TP63: variants seen among roughly 807,000 people sequenced by gnomAD.
TP63 encodes the protein tumor protein 63.
TP63 carries 17 observed loss-of-function variants against 82.8 expected under a neutral mutation model. The observed-to-expected ratio is 0.21, with a 90% CI of 0.14 to 0.31. TP63 has a LOEUF of 0.31. Ranked by LOEUF, TP63 falls within the 10% of genes least tolerant of loss-of-function variation. The probability of loss-of-function intolerance (pLI) is 1.00; values close to 1 mark genes in which losing one functional copy is unlikely to be tolerated. For synonymous variants in TP63, 330 were observed against 321.7 expected (o/e 1.03, Z -0.28); for missense variants, 648 against 895.3 (o/e 0.72, Z 3.52).
At chr3:189,804,635 TTAAAC>T (rs1383531158) in intron 3 of TP63, among the ~76,000 whole-genome samples, 1 of 152,236 alleles carries the variant, frequency 6.6e-6, no homozygotes, top group Non-Finnish European at 1.5e-5. Context: ...AATATTTTCT[TTAAAC>T]TAGATATTTT....
chr3:189,618,028 C>A, the TP63 span, among the ~76,000 whole-genome samples: 1 of 152,196 alleles, frequency 6.6e-6, no homozygotes, highest in African/African-American at 2.4e-5. Flanking sequence ...AAGTCAACAG[C>A]AGTAGGCTGC....
intron 3 of TP63, among the ~76,000 whole-genome samples, chr3:189,786,043 T>C (rs1301120302): frequency 2.0e-5 from 3 of 151,860 alleles, no homozygotes; most frequent in Non-Finnish European, 4.4e-5. Context: ...ACCAAAAAAA[T>C]CCAGTATAAC....
At chr3:189,620,099 G>A in the TP63 span, among the ~76,000 whole-genome samples, 1 of 152,252 alleles carries the variant, frequency 6.6e-6, no homozygotes, top group Non-Finnish European at 1.5e-5. Context: ...TTGGCTGGGT[G>A]TGGTGGCTCA....
chr3:189,893,112 T>C (rs3911033), intron 13 of TP63, among the ~76,000 whole-genome samples: 16 of 152,284 alleles, frequency 1.1e-4, no homozygotes, highest in African/African-American at 3.9e-4. Flanking sequence ...GGAACTTCAT[T>C]AGTATCCCCA....
intron 1 of TP63, among the ~76,000 whole-genome samples, chr3:189,698,692 G>A (rs1056876813): frequency 7.2e-5 from 11 of 151,970 alleles, no homozygotes; most frequent in African/African-American, 1.7e-4. Context: ...AGTAAATTAC[G>A]TAAATAATTT....
At chr3:189,610,962 C>T in the TP63 span, among the ~76,000 whole-genome samples, 1 of 152,166 alleles carries the variant, frequency 6.6e-6, no homozygotes, top group South Asian at 2.1e-4. Flanking sequence ...ACTGTCAGAT[C>T]TCCTGAGACT....
chr3:189,880,686 T>G, intron 10 of TP63: 1 of 985,434 alleles, frequency 1.0e-6, no homozygotes, highest in Non-Finnish European at 1.2e-6. Context: ...ATGCTGGTCA[T>G]GTAATAATAT....
rs576096131 is a variant in TP63 at position 189,749,442 on chromosome 3, G to T, written c.324+10668G>T. Among the ~76,000 whole-genome samples the T allele has an allele frequency of 7.2e-5, 11 of 152,246 alleles. No homozygotes were observed. In the East Asian group the frequency reaches 1.7e-3, roughly 24 times the overall value. ...AAATGGCCAATAACTATATGAAAATGTCAGCATCACTAATCATCAGGTAAA... is the reference window on the plus strand; with the variant it reads ...AAATGGCCAATAACTATATGAAAATTTCAGCATCACTAATCATCAGGTAAA... On this transcript the variant is annotated intron_variant, in intron 3 of 13. Coordinates refer to ENST00000264731, the MANE Select transcript of TP63 (RefSeq NM_003722.5).
At chr3:189,742,056 A>ATC (rs1721024438) in intron 3 of TP63, among the ~76,000 whole-genome samples, 1 of 152,030 alleles carries the variant, frequency 6.6e-6, no homozygotes, top group Non-Finnish European at 1.5e-5. Context: ...CAGCCCGGCC[A>ATC]ACATGGTGGA....
At chr3:189,877,546 GA>G (rs1719375323) in intron 10 of TP63, among the ~76,000 whole-genome samples, 1 of 152,174 alleles carries the variant, frequency 6.6e-6, no homozygotes, top group African/African-American at 2.4e-5. Context: ...TCTACAGGAT[GA>G]ATTTTATTTA....
At chr3:189,652,649 C>G (rs1920275) in intron 1 of TP63, among the ~76,000 whole-genome samples, 65,354 of 145,172 alleles carry the variant, frequency 0.45, 18,721 homozygotes, top group Middle Eastern at 0.65. Flanking sequence ...GGGCACAGTG[C>G]AGAATGATAT....
At chr3:189,704,762 ACT>A (rs1718077312) in intron 1 of TP63, among the ~76,000 whole-genome samples, 1 of 152,176 alleles carries the variant, frequency 6.6e-6, no homozygotes, top group South Asian at 2.1e-4. Flanking sequence ...CAATTCGGAC[ACT>A]CTCACTGAAT....
At chr3:189,660,292 G>A (rs955061128) in intron 1 of TP63, among the ~76,000 whole-genome samples, 4 of 151,860 alleles carry the variant, frequency 2.6e-5, no homozygotes, top group Admixed American at 6.6e-5. Context: ...CAGCACCATT[G>A]ATTGACTATG....
In TP63 at chr3:189,682,549, AAAAAATATATATATATATAT is replaced by A. The variant is rs1445971382; in HGVS notation, c.62+50974_62+50993del. Among the ~76,000 whole-genome samples, 37 of 30,358 alleles carry A rather than the reference AAAAAATATATATATATATAT, an allele frequency of 1.2e-3. 1 individual carries two copies. Among genetic ancestry groups the A allele is most frequent in the South Asian group, 9.5e-3 (11 of 1,158 alleles). The allele number at this position is 30,358 out of a possible 152,430, so 19.9% of individuals were successfully genotyped here. A position where few individuals can be genotyped will look rare whatever the true frequency, so the allele number is the denominator to read the frequency against. On this transcript the variant is annotated intron_variant, in intron 1 of 13. Transcript: ENST00000264731. ...TGGTCCTAAGGGGAAAAAAAAAAAA[AAAAAATATATATATATATAT>A]ATATATATATATATATATATATATA...
chr3:189,866,833 T>C, intron 6 of TP63, 36 bp downstream of exon 6: 1 of 1,539,074 alleles, frequency 6.5e-7, no homozygotes, highest in Non-Finnish European at 9.0e-7. Flanking sequence ...AAACAACACC[T>C]CTATGGACTG....
rs1716555612 is a variant in TP63 at position 189,858,291 on chromosome 3, GC to G, written c.580-5940del. ...GAGGTGGCGGGCGCCTGTAGTCCCA[GC>G]TACTCGGGAGGCTGAGGCAGGAGAA... is the stretch of plus-strand genomic sequence containing the variant. On this transcript the variant is annotated intron_variant, in intron 4 of 13. Transcript: ENST00000264731. Among the ~76,000 whole-genome samples, 5 of 59,752 alleles carry G rather than the reference GC, an allele frequency of 8.4e-5. 1 individual carries two copies. Among genetic ancestry groups the G allele is most frequent in the African/African-American group, 1.8e-4 (2 of 11,186 alleles). 39.2% of individuals were successfully genotyped at this position (59,752 alleles called of 152,430 possible).
At chr3:189,874,568 T>C (rs1485217274) in intron 10 of TP63, among the ~76,000 whole-genome samples, 2 of 152,112 alleles carry the variant, frequency 1.3e-5, no homozygotes, top group African/African-American at 2.4e-5. Flanking sequence ...AGCATAAAAG[T>C]TTTGCAAATT....
intron 11 of TP63, among the ~76,000 whole-genome samples, chr3:189,887,064 C>G (rs1214200318): frequency 1.3e-5 from 2 of 151,930 alleles, no homozygotes; most frequent in Non-Finnish European, 2.9e-5. Flanking sequence ...CAAAAGTTAG[C>G]TGAGCCTGGT....
chr3:189,671,408 A>G (rs1337174768), intron 1 of TP63, among the ~76,000 whole-genome samples: 1 of 152,074 alleles, frequency 6.6e-6, no homozygotes, highest in Non-Finnish European at 1.5e-5. Context: ...TGAGGATGTG[A>G]AGGAAAGGGA....
Sources: gnomAD v4.1 joint callset for allele counts (sites outside exome capture counted in the v4.1 genomes callset) on GRCh38, gnomAD v4.1.1 for gene constraint, MANE v1.5 for transcripts, NCBI Gene and HGNC (gene_info 2026-07-23, HGNC 2026-07-21) for gene names.